The following RBMS1 variants were observed in gnomAD, a reference collection of about 807,000 sequenced individuals.
RBMS1 encodes RNA binding motif single stranded interacting protein 1.
Under a neutral mutation model 62.3 loss-of-function variants are expected in RBMS1, and 17 were observed. That is an observed-to-expected ratio of 0.27 (90% CI 0.19 to 0.41). The LOEUF (loss-of-function observed/expected upper bound fraction) is 0.41, where lower values mean the gene tolerates loss of function less well. Ranked by LOEUF, RBMS1 falls within the 10% of genes least tolerant of loss-of-function variation. The pLI is 1.00. For synonymous variants in RBMS1, 172 were observed against 170.0 expected, an observed-to-expected ratio of 1.01 and a Z score of -0.09; for missense variants, 334 against 504.5, an observed-to-expected ratio of 0.66 and a Z score of 3.24.
intron 1 of RBMS1, among the ~76,000 whole-genome samples, chr2:160,377,524 GC>G (rs1454158811): frequency 6.6e-6 from 1 of 152,172 alleles, no homozygotes; most frequent in Non-Finnish European, 1.5e-5. Context: ...TTTGGGAAGG[GC>G]CCCCTTCCAG....
chr2:160,325,145 C>T (rs1690852979), intron 2 of RBMS1, among the ~76,000 whole-genome samples: 1 of 151,850 alleles, frequency 6.6e-6, no homozygotes, highest in South Asian at 2.1e-4. Flanking sequence ...GGGTCACCAA[C>T]CACAGACTGT....
intron 2 of RBMS1, among the ~76,000 whole-genome samples, chr2:160,345,361 G>A (rs1170711856): frequency 1.3e-5 from 2 of 152,166 alleles, no homozygotes; most frequent in African/African-American, 2.4e-5. Flanking sequence ...CCTATACGGG[G>A]AGGCTAGTAG....
intron 1 of RBMS1, among the ~76,000 whole-genome samples, chr2:160,402,315 C>T (rs1010246900): frequency 1.3e-5 from 2 of 152,072 alleles, no homozygotes; most frequent in African/African-American, 4.8e-5. Flanking sequence ...AAATGTGAAA[C>T]GTGCGTTATC....
intron 1 of RBMS1, among the ~76,000 whole-genome samples, chr2:160,467,229 C>T (rs984950035): frequency 1.5e-4 from 23 of 151,202 alleles, no homozygotes; most frequent in African/African-American, 4.4e-4. Flanking sequence ...AAGGTGGGCA[C>T]GGACCAACTG....
chr2:160,446,247 C>G (rs1559559787), intron 1 of RBMS1, among the ~76,000 whole-genome samples: 2 of 152,162 alleles, frequency 1.3e-5, no homozygotes, highest in Non-Finnish European at 2.9e-5. Context: ...ATACTTGAAC[C>G]CTGTCTATGA....
intron 1 of RBMS1, among the ~76,000 whole-genome samples, chr2:160,369,729 C>G (rs1467181827): frequency 6.6e-6 from 1 of 152,098 alleles, no homozygotes; most frequent in African/African-American, 2.4e-5. Context: ...GGGATTACAT[C>G]AACACGAAGT....
chr2:160,366,236 A>G (rs1054908349), intron 2 of RBMS1, among the ~76,000 whole-genome samples: 4 of 152,170 alleles, frequency 2.6e-5, no homozygotes, highest in African/African-American at 9.7e-5. Flanking sequence ...ATAACTGACC[A>G]AGTTAGTTTT....
intron 1 of RBMS1, among the ~76,000 whole-genome samples, chr2:160,434,691 G>A (rs1272782573): frequency 2.6e-5 from 4 of 152,194 alleles, no homozygotes; most frequent in African/African-American, 4.8e-5. Context: ...AATAGAGTTT[G>A]TGGCTACCCT....
At chr2:160,275,415 G>T in intron 13 of RBMS1, 2 of 794,370 alleles carry the variant, frequency 2.5e-6, no homozygotes, top group African/African-American at 1.8e-5. Flanking sequence ...GTATACATTT[G>T]GCTTCAGTAT....
chr2:160,473,541 T>C (rs981059304), intron 1 of RBMS1, among the ~76,000 whole-genome samples: 2 of 152,188 alleles, frequency 1.3e-5, no homozygotes, highest in African/African-American at 4.8e-5. Flanking sequence ...TAAAAGGTAG[T>C]ACATTCCTAC....
chr2:160,318,685 G>T (rs187118796), intron 2 of RBMS1, among the ~76,000 whole-genome samples: 13 of 152,256 alleles, frequency 8.5e-5, no homozygotes, highest in Admixed American at 4.6e-4. Context: ...TATTCATTTT[G>T]GTTCTGTGGA....
chr2:160,316,488 A>G (rs1046060192), intron 3 of RBMS1, among the ~76,000 whole-genome samples: 1 of 152,142 alleles, frequency 6.6e-6, no homozygotes, highest in Non-Finnish European at 1.5e-5. Context: ...TCTCTCTACT[A>G]TGGACCCTTA....
At chr2:160,369,343 A>G (rs1693597361) in intron 1 of RBMS1, among the ~76,000 whole-genome samples, 2 of 152,148 alleles carry the variant, frequency 1.3e-5, no homozygotes, top group Non-Finnish European at 2.9e-5. Context: ...GGCACCTCAG[A>G]GCACTGGCCA....
chr2:160,387,666 T>C (rs1694654733), intron 1 of RBMS1, among the ~76,000 whole-genome samples: 2 of 152,140 alleles, frequency 1.3e-5, no homozygotes, highest in East Asian at 3.9e-4. Flanking sequence ...CTCATTCTCA[T>C]TGCTCACAGT....
chr2:160,395,873 G>A (rs1038624541), intron 1 of RBMS1, among the ~76,000 whole-genome samples: 23 of 152,172 alleles, frequency 1.5e-4, no homozygotes, highest in Non-Finnish European at 2.8e-4. Flanking sequence ...TTTCTTCCAC[G>A]ATTATAACCG....
rs113852867 is a variant in RBMS1 at position 160,275,336 on chromosome 2, T to C, written c.*7+294A>G. 7.7e-3 allele frequency: 1,729 copies of C among 223,380 alleles called. 14 individuals carry two copies. Among genetic ancestry groups the C allele is most frequent in the Admixed American group, 0.013 (243 of 18,966 alleles). 13.8% of individuals were successfully genotyped at this position (223,380 alleles called of 1,614,324 possible). The stretch of plus-strand genomic sequence containing the variant: ...AATATGATATAGGATACTTGTATTA[T>C]AGAACAATTTTGGTTCTTGGTGTTC... On this transcript the variant is annotated intron_variant, in intron 13 of 13. Transcript: ENST00000348849.
intron 3 of RBMS1, among the ~76,000 whole-genome samples, chr2:160,316,158 ATGTT>A (rs1690209528): frequency 6.6e-6 from 1 of 152,266 alleles, no homozygotes; most frequent in Non-Finnish European, 1.5e-5. Context: ...CTTGGGTAAC[ATGTT>A]ATCTAACTTT....
intron 13 of RBMS1, 61 bp downstream of exon 13, chr2:160,275,569 A>G: frequency 6.4e-7 from 1 of 1,554,170 alleles, no homozygotes; most frequent in Non-Finnish European, 8.7e-7. Context: ...TGATTTTAAA[A>G]AAAGCCCTAT....
At chr2:160,338,859 A>G (rs1691718108) in intron 2 of RBMS1, among the ~76,000 whole-genome samples, 1 of 152,236 alleles carries the variant, frequency 6.6e-6, no homozygotes, top group African/African-American at 2.4e-5. Context: ...AGTTGAGGAA[A>G]GAGAATGAAG....
Sources: allele counts gnomAD v4.1 joint callset (sites outside exome capture counted in the v4.1 genomes callset), GRCh38; gene constraint gnomAD v4.1.1; transcripts MANE v1.5; gene names NCBI Gene and HGNC (gene_info 2026-07-23, HGNC 2026-07-21).